The following NCAM2 variants were observed in gnomAD, a reference collection of about 807,000 sequenced individuals.
NCAM2 encodes neural cell adhesion molecule 2, also known as N-CAM-2.
Under a neutral mutation model 98.1 loss-of-function variants are expected in NCAM2, and 30 were observed. The ratio of observed to expected loss-of-function variants is 0.31; its 90% CI spans 0.23 to 0.41. The LOEUF (loss-of-function observed/expected upper bound fraction) is 0.41. Among genes scored for constraint, NCAM2 ranks in the 10% least tolerant of loss-of-function variants. The probability of loss-of-function intolerance (pLI) is 1.00; values close to 1 mark genes in which losing one functional copy is unlikely to be tolerated. For missense variants in NCAM2, 867 were observed against 1,005.8 expected (o/e 0.86, Z 1.87); for synonymous variants, 368 against 342.4 (o/e 1.07, Z -0.83).
At chr21:21,525,096 A>G (rs530995235) in intron 16 of NCAM2, among the ~76,000 whole-genome samples, 128 of 152,258 alleles carry the variant, frequency 8.4e-4, no homozygotes, top group African/African-American at 2.8e-3. Context: ...CTACCTCAGG[A>G]AACTGAGAAA....
intron 1 of NCAM2, among the ~76,000 whole-genome samples, chr21:21,206,732 A>C (rs1325053324): frequency 6.6e-6 from 1 of 152,110 alleles, no homozygotes; most frequent in Non-Finnish European, 1.5e-5. Flanking sequence ...TTTGTACCTT[A>C]GTTCTTTGGT....
rs185069435 is a variant in NCAM2 at position 21,147,893 on chromosome 21, G to A, written c.56-132685G>A. 3.7e-3 allele frequency among the ~76,000 whole-genome samples: 561 copies of A among 150,896 alleles called. 4 individuals are homozygous for A. Among genetic ancestry groups the A allele is most frequent in the African/African-American group, 0.013 (534 of 41,158 alleles). On this transcript the variant is annotated intron_variant, in intron 1 of 17. Coordinates refer to ENST00000400546, the MANE Select transcript of NCAM2 (RefSeq NM_004540.5). ...TTTTTCATTCTCTATATAATATATA[G>A]GATAATAATAGGATGAATAACATAT...
At chr21:21,010,258 T>G (rs111484917) in intron 1 of NCAM2, among the ~76,000 whole-genome samples, 2,217 of 152,142 alleles carry the variant, frequency 0.015, 55 homozygotes, top group African/African-American at 0.051. Flanking sequence ...TACCTCTGTG[T>G]GGATTGCAGG....
chr21:21,536,894 A>G (rs1342290798), intron 17 of NCAM2, among the ~76,000 whole-genome samples: 1 of 152,152 alleles, frequency 6.6e-6, no homozygotes, highest in Non-Finnish European at 1.5e-5. Context: ...GTATTGCTTC[A>G]TAAGTTACAA....
At chr21:21,135,362 C>T (rs537459820) in intron 1 of NCAM2, among the ~76,000 whole-genome samples, 2 of 152,184 alleles carry the variant, frequency 1.3e-5, no homozygotes, top group South Asian at 4.1e-4. Flanking sequence ...ATTTTTGTGC[C>T]TTTAGTGAGA....
At chr21:21,323,763 C>A (rs2074437870) in intron 5 of NCAM2, among the ~76,000 whole-genome samples, 1 of 152,240 alleles carries the variant, frequency 6.6e-6, no homozygotes, top group Admixed American at 6.5e-5. Flanking sequence ...TATTTCCATT[C>A]TCTGTATGGC....
intron 1 of NCAM2, among the ~76,000 whole-genome samples, chr21:21,106,951 A>G (rs907405983): frequency 6.6e-6 from 1 of 152,126 alleles, no homozygotes; most frequent in African/African-American, 2.4e-5. Flanking sequence ...GTTTATTCAA[A>G]GTATGAGGTA....
intron 1 of NCAM2, among the ~76,000 whole-genome samples, chr21:21,225,797 A>G (rs991327747): frequency 6.6e-6 from 1 of 152,112 alleles, no homozygotes; most frequent in Non-Finnish European, 1.5e-5. Context: ...CCAACACACC[A>G]AAGAATTAAT....
chr21:21,365,238 C>CGTGCGTGTGTGTGT (rs1210171656), intron 8 of NCAM2, among the ~76,000 whole-genome samples: 21 of 146,900 alleles, frequency 1.4e-4, no homozygotes, highest in Non-Finnish European at 2.8e-4. Context: ...TTGCTTAGTG[C>CGTGCGTGTGTGTGT]GTGTGTGTGT....
At chr21:21,165,984 G>A (rs988815522) in intron 1 of NCAM2, among the ~76,000 whole-genome samples, 7 of 152,198 alleles carry the variant, frequency 4.6e-5, no homozygotes, top group South Asian at 4.1e-4. Flanking sequence ...TAATGATGGG[G>A]CCATTCTCTA....
chr21:21,390,617 C>G lies in NCAM2; in HGVS notation c.1195+16604C>G, dbSNP rs141229214. On this transcript the variant is annotated intron_variant, in intron 9 of 17. Coordinates refer to ENST00000400546, the MANE Select transcript of NCAM2 (RefSeq NM_004540.5). The stretch of plus-strand genomic sequence containing the variant: ...ACATCGTTTTAAAAAGAACAAATAA[C>G]ATATTCAGTATATATTAATTAGAAT... Among the ~76,000 whole-genome samples the G allele has an allele frequency of 8.2e-4, 125 of 152,146 alleles. 1 individual carries two copies. The highest frequency in any genetic ancestry group is 3.4e-3 in the Middle Eastern group (1 of 292).
chr21:21,270,606 T>C (rs1209988254), intron 1 of NCAM2, among the ~76,000 whole-genome samples: 2 of 152,230 alleles, frequency 1.3e-5, no homozygotes, highest in Admixed American at 6.5e-5. Context: ...ACTTCTTAAA[T>C]GTATTGCAGC....
chr21:21,221,512 A>C (rs180721229), intron 1 of NCAM2, among the ~76,000 whole-genome samples: 1 of 152,318 alleles, frequency 6.6e-6, no homozygotes, highest in Non-Finnish European at 1.5e-5. Flanking sequence ...AAAAGAAGGA[A>C]AAACAGCTTT....
intron 1 of NCAM2, among the ~76,000 whole-genome samples, chr21:21,231,694 G>A (rs2147187954): frequency 6.6e-6 from 1 of 151,160 alleles, no homozygotes; most frequent in Non-Finnish European, 1.5e-5. Context: ...TGATTTGAGG[G>A]GAACTCATAA....
At chr21:21,084,609 T>C (rs1003727739) in intron 1 of NCAM2, among the ~76,000 whole-genome samples, 1 of 152,204 alleles carries the variant, frequency 6.6e-6, no homozygotes, top group African/African-American at 2.4e-5. Context: ...GAGATTGCTG[T>C]AAACAATAAT....
intron 7 of NCAM2, among the ~76,000 whole-genome samples, chr21:21,336,135 T>C (rs889240225): frequency 1.2e-4 from 18 of 152,118 alleles, no homozygotes; most frequent in African/African-American, 4.3e-4. Context: ...CATATTATCT[T>C]ATTTGGGTAA....
chr21:21,409,861 A>G (rs1484272060), intron 9 of NCAM2, among the ~76,000 whole-genome samples: 1 of 152,214 alleles, frequency 6.6e-6, no homozygotes, highest in Non-Finnish European at 1.5e-5. Context: ...CTGTAATTCC[A>G]GCACTTTGGG....
At chr21:21,485,569 A>G (rs1986278808) in intron 15 of NCAM2, among the ~76,000 whole-genome samples, 1 of 152,354 alleles carries the variant, frequency 6.6e-6, no homozygotes, top group African/African-American at 2.4e-5. Context: ...GCAAATTTTC[A>G]TTATGTGAAT....
At chr21:21,418,797 A>G (rs1310030322) in intron 11 of NCAM2, among the ~76,000 whole-genome samples, 2 of 152,202 alleles carry the variant, frequency 1.3e-5, no homozygotes, top group East Asian at 1.9e-4. Context: ...AAAGAATAAG[A>G]TATGCTGTTC....
Sources: gnomAD v4.1 joint callset for allele counts (sites outside exome capture counted in the v4.1 genomes callset) on GRCh38, gnomAD v4.1.1 for gene constraint, MANE v1.5 for transcripts, NCBI Gene and HGNC (gene_info 2026-07-23, HGNC 2026-07-21) for gene names.